Variants in ASB17 observed in about 807,000 individuals in gnomAD.
The protein encoded by ASB17 is ankyrin repeat and SOCS box protein 17.
A neutral mutation model predicts 25.7 loss-of-function variants in ASB17; 26 were observed. The observed-to-expected ratio is 1.01, with a 90% confidence interval of 0.74 to 1.40. The LOEUF (loss-of-function observed/expected upper bound fraction) is 1.40, where lower values mean the gene tolerates loss of function less well. Among genes scored for constraint, ASB17 ranks in the 40% most tolerant of loss-of-function variants. The pLI is 0.00. For missense variants in ASB17, 326 were observed against 338.5 expected (o/e 0.96, Z 0.29); for synonymous variants, 128 against 121.4 (o/e 1.05, Z -0.36).
intron 1 of ASB17, among the ~76,000 whole-genome samples, chr1:75,931,145 G>A (rs1157042752): frequency 6.6e-6 from 1 of 152,150 alleles, no homozygotes; most frequent in African/African-American, 2.4e-5. Context: ...GTACAGACTT[G>A]CATACATAGT....
At chr1:75,925,873 T>C (rs1007306490) in intron 1 of ASB17, among the ~76,000 whole-genome samples, 1 of 152,190 alleles carries the variant, frequency 6.6e-6, no homozygotes, top group African/African-American at 2.4e-5. Context: ...TTTCACACAG[T>C]TGACTTTCTT....
intron 1 of ASB17, among the ~76,000 whole-genome samples, chr1:75,924,317 C>T (rs977748254): frequency 6.6e-6 from 1 of 152,082 alleles, no homozygotes; most frequent in East Asian, 1.9e-4. Context: ...GAGCCCTTAC[C>T]CCCTGCTGGA....
chr1:75,919,538 C>T (rs1278262408), intron 2 of ASB17, among the ~76,000 whole-genome samples: 1 of 152,050 alleles, frequency 6.6e-6, no homozygotes, highest in Non-Finnish European at 1.5e-5. Context: ...CCTCCCCTCT[C>T]CCCCTACCCC....
intron 2 of ASB17, among the ~76,000 whole-genome samples, chr1:75,920,816 C>G (rs1157302260): frequency 6.6e-6 from 1 of 151,594 alleles, no homozygotes; most frequent in Non-Finnish European, 1.5e-5. Flanking sequence ...GCTCTTTCGC[C>G]CAGGCCAGAG....
chr1:75,922,092 G>T lies in ASB17; in HGVS notation c.669C>A (p.Val223=). The T allele has an allele frequency of 1.2e-6, 2 of 1,602,550 alleles. No individual in the cohort carries two copies. The highest frequency in any genetic ancestry group is 8.5e-7 in the Non-Finnish European group (1 of 1,173,038). The change falls in exon 2 of 3, where the codon GTC becomes GTA. Residue 223 remains valine (V), a synonymous_variant. Transcript: ENST00000284142. ...GTAGTTTTCTTACCTTTATTTCCTTGACTGAAATGACAGAAAGCACTCTGG... is the reference window on the plus strand; with the variant it reads ...GTAGTTTTCTTACCTTTATTTCCTTTACTGAAATGACAGAAAGCACTCTGG... ...LCSRVLSVIS[V]KEIKTQLSLG...
chr1:75,926,427 A>G (rs1653173996), intron 1 of ASB17, among the ~76,000 whole-genome samples: 1 of 152,214 alleles, frequency 6.6e-6, no homozygotes, highest in African/African-American at 2.4e-5. Context: ...GAAGTTAACC[A>G]TTTGGATATT....
At chr1:75,928,740 T>G (rs751433082) in intron 1 of ASB17, among the ~76,000 whole-genome samples, 1 of 152,160 alleles carries the variant, frequency 6.6e-6, no homozygotes, top group East Asian at 1.9e-4. Context: ...GAAAGAAGAA[T>G]CAAATAAAGC....
intron 1 of ASB17, among the ~76,000 whole-genome samples, chr1:75,931,153 A>T (rs1653311429): frequency 1.3e-5 from 2 of 152,252 alleles, no homozygotes; most frequent in African/African-American, 4.8e-5. Flanking sequence ...TTGCATACAT[A>T]GTAATGTGAT....
chr1:75,925,562 A>G lies in ASB17; in HGVS notation c.402-3203T>C, dbSNP rs1290148962. Among the ~76,000 whole-genome samples the G allele has an allele frequency of 4.6e-5, 7 of 152,148 alleles. No individual in the cohort carries two copies. The East Asian group carries it at 1.3e-3, about 29-fold the overall frequency. On this transcript the variant is annotated intron_variant, in intron 1 of 2. Coordinates refer to ENST00000284142, the MANE Select transcript of ASB17 (RefSeq NM_080868.3). ...TCATGTTTAAAGAGTATGTTACTGT[A>G]AACCAGAATTTGCTTAATCTGTACT...
chr1:75,921,704 G>A (rs1273192807), intron 2 of ASB17, among the ~76,000 whole-genome samples: 1 of 152,122 alleles, frequency 6.6e-6, no homozygotes, highest in Non-Finnish European at 1.5e-5. Context: ...ACATATGATT[G>A]TATTTGTGGG....
intron 1 of ASB17, among the ~76,000 whole-genome samples, chr1:75,930,661 A>T (rs1476356075): frequency 6.6e-6 from 1 of 152,158 alleles, no homozygotes; most frequent in Non-Finnish European, 1.5e-5. Flanking sequence ...GTCTTAAGAC[A>T]GTTGTTAATG....
chr1:75,929,936 TG>T lies in ASB17; in HGVS notation c.401+1954del, dbSNP rs35656399. Among the ~76,000 whole-genome samples the T allele has an allele frequency of 5.7e-3, 675 of 118,392 alleles. 4 individuals carry two copies. The highest frequency in any genetic ancestry group is 0.021 in the African/African-American group (644 of 30,908). The allele number at this position is 118,392 out of a possible 152,430, so 77.7% of individuals were successfully genotyped here. A position where few individuals can be genotyped will look rare whatever the true frequency, so the allele number is the denominator to read the frequency against. On this transcript the variant is annotated intron_variant, in intron 1 of 2. Coordinates refer to ENST00000284142, the MANE Select transcript of ASB17 (RefSeq NM_080868.3). ...GAAACAGGTGCTGTTAATCGGGGGT[TG>T]GGGGGAATTCTGGGGAAGGAGAAGG...
chr1:75,921,997 A>C, intron 2 of ASB17, 83 bp downstream of exon 2: 1 of 1,216,790 alleles, frequency 8.2e-7, no homozygotes. Context: ...ATAAATTAAA[A>C]ATTAACTGTA....
chr1:75,923,439 A>C (rs1287417670), intron 1 of ASB17, among the ~76,000 whole-genome samples: 1 of 152,094 alleles, frequency 6.6e-6, no homozygotes, highest in East Asian at 1.9e-4. Context: ...ATAGACTTTT[A>C]TGCTGTTATT....
intron 2 of ASB17, 134 bp from the exon 3 acceptor site, chr1:75,919,292 AG>A: frequency 3.0e-6 from 2 of 676,040 alleles, no homozygotes; most frequent in South Asian, 5.1e-5. Flanking sequence ...TTTTTTCCAA[AG>A]CATTTTTACT....
rs1490766970 is a variant in ASB17 at position 75,932,215 on chromosome 1, AT to A, written c.76del (p.Ile26LeufsTer30). The stretch of plus-strand genomic sequence containing the variant: ...AAACTGTAGGGAGGGTCTTTTAACA[AT>A]TTTGTCAAGGAGATTGCAGAATATA... ...SNIFCNLLDK[I>X]VKRPSLQFLG... On this transcript the variant is annotated frameshift_variant, in exon 1 of 3. Coordinates refer to ENST00000284142, the MANE Select transcript of ASB17 (RefSeq NM_080868.3). LOFTEE classifies it high-confidence loss of function. 2 of 1,613,872 alleles carry A rather than the reference AT, an allele frequency of 1.2e-6. No individual in the cohort carries two copies. The highest frequency in any genetic ancestry group is 2.2e-5 in the South Asian group (2 of 91,056).
chr1:75,928,480 C>T (rs1653231774), intron 1 of ASB17, among the ~76,000 whole-genome samples: 1 of 152,144 alleles, frequency 6.6e-6, no homozygotes, highest in Admixed American at 6.5e-5. Context: ...TTAATTCTAT[C>T]TCCTCTCCTC....
chr1:75,929,415 T>C (rs1340721573), intron 1 of ASB17, among the ~76,000 whole-genome samples: 1 of 151,226 alleles, frequency 6.6e-6, no homozygotes, highest in African/African-American at 2.4e-5. Context: ...GTATTTTTAG[T>C]AGAGACAGGG....
intron 1 of ASB17, among the ~76,000 whole-genome samples, chr1:75,930,453 A>G (rs1188222236): frequency 6.6e-6 from 1 of 151,408 alleles, no homozygotes; most frequent in Non-Finnish European, 1.5e-5. Flanking sequence ...TACTTCTAGA[A>G]TTGTTTAAGA....
Sources: allele counts gnomAD v4.1 joint callset (sites outside exome capture counted in the v4.1 genomes callset), GRCh38; gene constraint gnomAD v4.1.1; transcripts MANE v1.5; gene names NCBI Gene and HGNC (gene_info 2026-07-23, HGNC 2026-07-21).